The following PPIH variants were observed in gnomAD, a reference collection of about 807,000 sequenced individuals.
PPIH encodes peptidyl-prolyl cis-trans isomerase H.
Under a neutral mutation model 27.6 loss-of-function variants are expected in PPIH, and 16 were observed. The ratio of observed to expected loss-of-function variants is 0.58; its 90% CI spans 0.39 to 0.88. The LOEUF is 0.88. Ranked by LOEUF, PPIH falls within the 40% of genes least tolerant of loss-of-function variation. PPIH has a pLI of 0.00. For missense variants in PPIH, 155 were observed against 224.1 expected (o/e 0.69, Z 1.97); for synonymous variants, 63 against 76.1 (o/e 0.83, Z 0.90).
chr1:42,660,847 T>C lies in PPIH; in HGVS notation c.201-15T>C, dbSNP rs1369656884. 1 of 1,591,384 alleles carries C rather than the reference T, an allele frequency of 6.3e-7. No homozygotes were observed. Among genetic ancestry groups the C allele is most frequent in the Admixed American group, 1.8e-5 (1 of 55,798 alleles). ...ACCATAAAATCTTCTCAGTATTCTT[T>C]GCTCTCTGTTTCAGGGTCATAAAGG... On this transcript the variant is annotated splice_polypyrimidine_tract_variant and intron_variant, in intron 4 of 9. Transcript: ENST00000304979.
intron 9 of PPIH, among the ~76,000 whole-genome samples, chr1:42,670,646 C>A (rs1428302723): frequency 6.6e-6 from 1 of 151,938 alleles, no homozygotes; most frequent in African/African-American, 2.4e-5. Context: ...CACAGGCCCG[C>A]TAGACCAGGA....
In PPIH at chr1:42,658,854, G is replaced by A. The variant is rs778638862; in HGVS notation, c.77G>A (p.Arg26His). The A allele has an allele frequency of 1.9e-6, 3 of 1,614,214 alleles. No individual in the cohort carries two copies. The highest frequency in any genetic ancestry group is 2.2e-5 in the East Asian group (1 of 44,882). The stretch of plus-strand genomic sequence containing the variant: ...TCCCGCTGATTGCAGGAAGTTGGCC[G>A]CATGAAGATCGAGCTCTTTGCAGAC... The part of the protein sequence containing the change: ...DVSIGGQEVG[R>H]MKIELFADVV... The change falls in exon 2 of 10, where the codon CGC (arginine) becomes CAC (histidine). Residue 26 changes from arginine (R) to histidine (H), a missense_variant. Transcript: ENST00000304979.
downstream of PPIH, among the ~76,000 whole-genome samples, chr1:42,680,095 A>G (rs1649982555): frequency 6.6e-6 from 1 of 152,252 alleles, no homozygotes; most frequent in Non-Finnish European, 1.5e-5. Flanking sequence ...ACCTAGTAGC[A>G]TCTGAGCCAA....
chr1:42,666,852 C>G (rs1314833467), intron 8 of PPIH, among the ~76,000 whole-genome samples: 1 of 152,218 alleles, frequency 6.6e-6, no homozygotes, highest in Non-Finnish European at 1.5e-5. Context: ...GTCTACCTCT[C>G]CATGGCCCCT....
In PPIH at chr1:42,671,944, C is replaced by G. The variant is rs911529795; in HGVS notation, c.*21+4504C>G. On this transcript the variant is annotated intron_variant, in intron 9 of 9. Coordinates refer to ENST00000304979, the MANE Select transcript of PPIH (RefSeq NM_006347.4). ...TGTCGCCCAGGCTAGAGTGCAGTGG[C>G]GCGATCTCGGCTCACTGCAGACTCT... Among the ~76,000 whole-genome samples, 4 of 150,072 alleles carry G rather than the reference C, an allele frequency of 2.7e-5. No individual in the cohort carries two copies. In the East Asian group the frequency reaches 7.9e-4, roughly 30 times the overall value.
intron 5 of PPIH, among the ~76,000 whole-genome samples, chr1:42,663,355 A>G (rs1451074247): frequency 6.6e-6 from 1 of 152,192 alleles, no homozygotes; most frequent in Non-Finnish European, 1.5e-5. Flanking sequence ...ACAGATTGGA[A>G]GTGACTTTCC....
chr1:42,673,551 A>C (rs1649746996), intron 9 of PPIH, among the ~76,000 whole-genome samples: 1 of 152,204 alleles, frequency 6.6e-6, no homozygotes. Flanking sequence ...TCCAACAGGT[A>C]ATAATCATTT....
At chr1:42,671,415 G>A (rs773038296) in intron 9 of PPIH, among the ~76,000 whole-genome samples, 4 of 152,228 alleles carry the variant, frequency 2.6e-5, no homozygotes, top group East Asian at 1.9e-4. Flanking sequence ...GCGACAGAGC[G>A]AGACCCTGTC....
At chr1:42,661,824 CTG>C (rs1276492059) in intron 5 of PPIH, among the ~76,000 whole-genome samples, 3 of 151,992 alleles carry the variant, frequency 2.0e-5, no homozygotes, top group East Asian at 1.9e-4. Context: ...TGTTGTATAA[CTG>C]TGAAATGGCA....
intron 9 of PPIH, among the ~76,000 whole-genome samples, chr1:42,670,406 G>T (rs1250585905): frequency 6.6e-6 from 1 of 152,090 alleles, no homozygotes; most frequent in Non-Finnish European, 1.5e-5. Flanking sequence ...AAAGAATAAA[G>T]TTTAGAAATT....
chr1:42,659,463 A>G (rs1648878920), intron 3 of PPIH, 59 bp from the exon 4 acceptor site: 3 of 1,613,996 alleles, frequency 1.9e-6, no homozygotes, highest in Admixed American at 3.3e-5. Context: ...GTGCATGGTA[A>G]ACTGGAAAGG....
rs753695729 is a variant in PPIH at position 42,658,509 on chromosome 1, T to C, written c.63T>C (p.Gly21=). Residue 21 remains glycine, a synonymous_variant, in exon 1 of 10, where the codon GGT becomes GGC. Coordinates refer to ENST00000304979, the MANE Select transcript of PPIH (RefSeq NM_006347.4). ...PVVFFDVSIG[G]QEVGRMKIEL... ...TGTTCTTTGATGTCAGTATTGGCGG[T>C]CAGGTGAGATCCAGGAGGCTGCCCA... The C allele has an allele frequency of 6.2e-7, 1 of 1,613,830 alleles. No individual in the cohort carries two copies. The highest frequency in any genetic ancestry group is 8.5e-7 in the Non-Finnish European group (1 of 1,179,716).
At position 42,658,673 on chromosome 1, in the gene PPIH, G is replaced by A. The variant is rs1026228147; in HGVS notation, c.66+161G>A. On this transcript the variant is annotated intron_variant, in intron 1 of 9. Coordinates refer to ENST00000304979, the MANE Select transcript of PPIH (RefSeq NM_006347.4). ...GGGCGGGGGGAAAGGAGGAGGAGGA[G>A]TCTCCCCAATCCTAGCGCCCCGCTT... 4.5e-6 allele frequency: 5 copies of A among 1,104,172 alleles called. No individual in the cohort carries two copies. The African/African-American group carries it at 4.7e-5, about 10-fold the overall frequency. 68.4% of individuals were successfully genotyped at this position (1,104,172 alleles called of 1,614,324 possible).
At chr1:42,659,618 G>C (rs1481440308) in intron 4 of PPIH, 52 bp downstream of exon 4, 1 of 1,581,396 alleles carries the variant, frequency 6.3e-7, no homozygotes. Flanking sequence ...TTTCCTGGGG[G>C]ATTAGGCTCT....
At chr1:42,660,785 A>G in intron 4 of PPIH, 77 bp from the exon 5 acceptor site, 1 of 1,247,782 alleles carries the variant, frequency 8.0e-7, no homozygotes, top group Non-Finnish European at 1.1e-6. Flanking sequence ...ATCAACGTTA[A>G]TCTAATACAA....
chr1:42,659,076 T>G, intron 2 of PPIH, 152 bp from the exon 3 acceptor site: 1 of 1,378,520 alleles, frequency 7.3e-7, no homozygotes, highest in Non-Finnish European at 1.0e-6. Context: ...CCGTGTTAAT[T>G]TACGTTGTTA....
intron 9 of PPIH, among the ~76,000 whole-genome samples, chr1:42,671,352 C>T (rs560451606): frequency 2.6e-5 from 4 of 152,202 alleles, no homozygotes; most frequent in East Asian, 1.9e-4. Flanking sequence ...CTCTTGAACC[C>T]GAGAGGCAGA....
rs1423196453 is a variant in PPIH at position 42,659,546 on chromosome 1, C to T, written c.180C>T (p.Tyr60=). 6.2e-7 allele frequency: 1 copy of T among 1,613,880 alleles called. No individual in the cohort carries two copies. Among genetic ancestry groups the T allele is most frequent in the Non-Finnish European group, 8.5e-7 (1 of 1,180,022 alleles). Reference sequence around the variant, plus strand: ...GGAAAGATGGGGTTCCAATAGGATACAAAGGAAGCACCTTCCACAGGTAAG... The same window carrying T: ...GGAAAGATGGGGTTCCAATAGGATATAAAGGAAGCACCTTCCACAGGTAAG... ...EFRKDGVPIG[Y]KGSTFHRVIK... is the part of the protein sequence containing the mutation. Residue 60 remains tyrosine (Y), a synonymous_variant, in exon 4 of 10, where the codon TAC becomes TAT. Coordinates refer to ENST00000304979, the MANE Select transcript of PPIH (RefSeq NM_006347.4).
At chr1:42,658,785 C>T in intron 1 of PPIH, 59 bp from the exon 2 acceptor site, 1 of 1,581,552 alleles carries the variant, frequency 6.3e-7, no homozygotes. Context: ...ATGCCCCCTG[C>T]TCCGTGAAGC....
Sources: gnomAD v4.1 joint callset for allele counts (sites outside exome capture counted in the v4.1 genomes callset) on GRCh38, gnomAD v4.1.1 for gene constraint, MANE v1.5 for transcripts, NCBI Gene and HGNC (gene_info 2026-07-23, HGNC 2026-07-21) for gene names.